Variants in TMCC3 observed in about 807,000 individuals in gnomAD.
TMCC3 encodes the protein transmembrane and coiled-coil domain protein 3.
A neutral mutation model predicts 40.2 loss-of-function variants in TMCC3; 28 were observed. The observed-to-expected ratio is 0.70, with a 90% CI of 0.52 to 0.95. TMCC3 has a LOEUF of 0.95. Among genes scored for constraint, TMCC3 ranks in the 40% least tolerant of loss-of-function variants. TMCC3 has a pLI of 0.00. For synonymous variants in TMCC3, 255 were observed against 248.5 expected (o/e 1.03, Z -0.25); for missense variants, 554 against 615.2 (o/e 0.90, Z 1.05).
At position 94,641,772 on chromosome 12, in the gene TMCC3, G is replaced by A. The variant is rs186203574; in HGVS notation, c.78+8581C>T. On this transcript the variant is annotated intron_variant, in intron 1 of 3. Coordinates refer to ENST00000261226, the MANE Select transcript of TMCC3 (RefSeq NM_020698.4). ...TGAATTCTAAGTCAAACGCACAGAT[G>A]ATGAGCTCCATGGCTTATGCATCTG... Among the ~76,000 whole-genome samples the A allele has an allele frequency of 2.0e-5, 3 of 152,256 alleles. No homozygotes were observed. The East Asian group carries it at 5.8e-4, about 29-fold the overall frequency.
chr12:94,619,599 G>A (rs1290496667), intron 1 of TMCC3, among the ~76,000 whole-genome samples: 1 of 152,160 alleles, frequency 6.6e-6, no homozygotes, highest in African/African-American at 2.4e-5. Context: ...ACAAATTGGT[G>A]CAACCTTTGG....
chr12:94,636,357 A>G (rs1259433117), intron 1 of TMCC3, among the ~76,000 whole-genome samples: 1 of 152,212 alleles, frequency 6.6e-6, no homozygotes, highest in Non-Finnish European at 1.5e-5. Context: ...AAACCAGAAA[A>G]TGTGTAGATT....
At chr12:94,621,784 T>C (rs997562980) in intron 1 of TMCC3, among the ~76,000 whole-genome samples, 79 of 152,230 alleles carry the variant, frequency 5.2e-4, no homozygotes, top group African/African-American at 1.6e-3. Flanking sequence ...TGTTATATTA[T>C]GTGTAATCAT....
chr12:94,586,607 T>C (rs923943078), intron 1 of TMCC3, among the ~76,000 whole-genome samples: 18 of 151,848 alleles, frequency 1.2e-4, no homozygotes, highest in African/African-American at 4.4e-4. Flanking sequence ...GTAGAAAGGT[T>C]TTCATATTTT....
chr12:94,600,241 T>TG (rs1491570420), intron 1 of TMCC3, among the ~76,000 whole-genome samples: 4 of 88,380 alleles, frequency 4.5e-5, no homozygotes, highest in Non-Finnish European at 7.8e-5. Flanking sequence ...CAAATTCTGG[T>TG]TTTTTTTTTT....
At position 94,578,422 on chromosome 12, in the gene TMCC3, T is replaced by C; in HGVS notation, c.1103A>G (p.Gln368Arg). Reference sequence around the variant, plus strand: ...GATGTCCCGCGAGCGCTCGTAGGCCTGGTAGGCCACCTTCTCCTCAATGCT... The same window carrying C: ...GATGTCCCGCGAGCGCTCGTAGGCCCGGTAGGCCACCTTCTCCTCAATGCT... ...LASIEEKVAY[Q>R]AYERSRDIQE... Residue 368 changes from glutamine to arginine, a missense_variant, in exon 3 of 4, where the codon CAG becomes CGG. By Grantham distance (43) the Gln-to-Arg change is conservative. Coordinates refer to ENST00000261226, the MANE Select transcript of TMCC3 (RefSeq NM_020698.4). The C allele has an allele frequency of 1.2e-6, 2 of 1,614,062 alleles. No individual in the cohort carries two copies. Among genetic ancestry groups the C allele is most frequent in the Non-Finnish European group, 1.7e-6 (2 of 1,179,988 alleles).
At chr12:94,576,532 G>C (rs2068565980) in intron 3 of TMCC3, among the ~76,000 whole-genome samples, 2 of 152,068 alleles carry the variant, frequency 1.3e-5, no homozygotes, top group Admixed American at 1.3e-4. Flanking sequence ...CCCCAGGCTG[G>C]AGTGCATTGG....
intron 1 of TMCC3, among the ~76,000 whole-genome samples, chr12:94,621,793 A>G (rs1279619108): frequency 6.6e-6 from 1 of 152,174 alleles, no homozygotes; most frequent in Non-Finnish European, 1.5e-5. Flanking sequence ...ATGTGTAATC[A>G]TGAGAGCCCC....
intron 1 of TMCC3, among the ~76,000 whole-genome samples, chr12:94,600,819 T>G (rs1020088588): frequency 2.6e-5 from 4 of 152,326 alleles, no homozygotes; most frequent in Non-Finnish European, 5.9e-5. Flanking sequence ...TCCTCTTTGT[T>G]TTATCATCTT....
chr12:94,648,561 T>C (rs1246405513), intron 1 of TMCC3, among the ~76,000 whole-genome samples: 1 of 152,182 alleles, frequency 6.6e-6, no homozygotes, highest in African/African-American at 2.4e-5. Context: ...AGAAATCACA[T>C]AAGGTTTTGA....
chr12:94,645,119 G>C (rs2069010935), intron 1 of TMCC3, among the ~76,000 whole-genome samples: 1 of 152,170 alleles, frequency 6.6e-6, no homozygotes, highest in Non-Finnish European at 1.5e-5. Context: ...TTGTATTCCT[G>C]ATGCCTAGAT....
intron 1 of TMCC3, among the ~76,000 whole-genome samples, chr12:94,639,544 C>T (rs965012683): frequency 1.3e-5 from 2 of 152,132 alleles, no homozygotes; most frequent in Admixed American, 6.5e-5. Context: ...TGCACCACTA[C>T]ACTCCAGCCT....
chr12:94,621,263 A>G (rs2068874418), intron 1 of TMCC3, among the ~76,000 whole-genome samples: 1 of 152,236 alleles, frequency 6.6e-6, no homozygotes, highest in Admixed American at 6.5e-5. Flanking sequence ...CACTGCGGGT[A>G]AGCAAACCCA....
intron 1 of TMCC3, among the ~76,000 whole-genome samples, chr12:94,621,571 T>C (rs772236541): frequency 6.6e-6 from 1 of 152,240 alleles, no homozygotes; most frequent in Non-Finnish European, 1.5e-5. Flanking sequence ...AGGAAATCTC[T>C]ACTGGAGGTT....
intron 1 of TMCC3, among the ~76,000 whole-genome samples, chr12:94,604,042 A>C (rs1188178356): frequency 6.6e-6 from 1 of 152,198 alleles, no homozygotes; most frequent in African/African-American, 2.4e-5. Context: ...TAGAATACTA[A>C]AGAGCCAATG....
intron 1 of TMCC3, among the ~76,000 whole-genome samples, chr12:94,643,843 G>A (rs1416756281): frequency 1.3e-5 from 2 of 152,224 alleles, no homozygotes; most frequent in Non-Finnish European, 2.9e-5. Flanking sequence ...CTCTGGAGTT[G>A]AGACATACAC....
At position 94,640,867 on chromosome 12, in the gene TMCC3, G is replaced by C. The variant is rs530776225; in HGVS notation, c.78+9486C>G. ...AGGTAAGCTTAAGAGAGGGATGTTG[G>C]GGGCAACGAGGAAAAGACAGATGAT... On this transcript the variant is annotated intron_variant, in intron 1 of 3. Coordinates refer to ENST00000261226, the MANE Select transcript of TMCC3 (RefSeq NM_020698.4). Among the ~76,000 whole-genome samples the C allele has an allele frequency of 2.6e-5, 4 of 152,280 alleles. No homozygotes were observed. The South Asian group carries it at 8.3e-4, about 32-fold the overall frequency.
At chr12:94,575,491 A>C (rs1192571705) in intron 3 of TMCC3, among the ~76,000 whole-genome samples, 1 of 152,216 alleles carries the variant, frequency 6.6e-6, no homozygotes, top group African/African-American at 2.4e-5. Context: ...ATAGGTGAGG[A>C]GGGCCAGGAT....
intron 1 of TMCC3, among the ~76,000 whole-genome samples, chr12:94,590,534 G>C (rs1228879321): frequency 2.6e-5 from 4 of 152,184 alleles, no homozygotes; most frequent in African/African-American, 9.7e-5. Flanking sequence ...AAGAAGCCCT[G>C]TCCCTAAGGG....
Sources: allele counts gnomAD v4.1 joint callset (sites outside exome capture counted in the v4.1 genomes callset), GRCh38; gene constraint gnomAD v4.1.1; transcripts MANE v1.5; gene names NCBI Gene and HGNC (gene_info 2026-07-23, HGNC 2026-07-21).